The following UQCRB variants were observed in gnomAD, a reference collection of about 807,000 sequenced individuals.
UQCRB encodes cytochrome b-c1 complex subunit 7.
In UQCRB, 12 loss-of-function variants were observed where a neutral mutation model predicts 19.8. The observed-to-expected ratio is 0.61, with a 90% CI of 0.39 to 0.98. The LOEUF (loss-of-function observed/expected upper bound fraction) is 0.98, where lower values mean the gene tolerates loss of function less well. Among genes scored for constraint, UQCRB ranks in the 50% least tolerant of loss-of-function variants. UQCRB has a pLI of 0.00. For synonymous variants in UQCRB, 39 were observed against 42.9 expected (o/e 0.91, Z 0.35); for missense variants, 142 against 131.8 (o/e 1.08, Z -0.38).
At chr8:96,231,438 G>A (rs1299346554) in intron 3 of UQCRB, 3 of 1,535,898 alleles carry the variant, frequency 2.0e-6, no homozygotes, top group Non-Finnish European at 2.6e-6. Context: ...AGCTCTTCTT[G>A]GGATCTGGAG....
In UQCRB at chr8:96,226,298, A is replaced by G. The variant is rs186484603; in HGVS notation, c.*4757T>C. On this transcript the variant is annotated 3_prime_UTR_variant, in exon 4 of 4. Transcript: ENST00000287022. ...GGAGGATTAAAAGAGACAACATACG[A>G]ACAGTGCCTAGTACAAAGCTAGTAT... 6.9e-3 allele frequency: 1,055 copies of G among 153,322 alleles called. 12 individuals are homozygous for G. The highest frequency in any genetic ancestry group is 0.024 in the African/African-American group (978 of 41,590). The allele number at this position is 153,322 out of a possible 1,614,324, so 9.5% of individuals were successfully genotyped here. A position where few individuals can be genotyped will look rare whatever the true frequency, so the allele number is the denominator to read the frequency against.
In UQCRB at chr8:96,231,772, A is replaced by G. The variant is rs764178627; in HGVS notation, c.258+2T>C. 2.5e-6 allele frequency: 4 copies of G among 1,613,836 alleles called. No homozygotes were observed. Among genetic ancestry groups the G allele is most frequent in the Non-Finnish European group, 3.4e-6 (4 of 1,179,796 alleles). ...ACTGTCAGGTAGATAAAGCTGTGCT[A>G]CCTCTTCATATTTGGTCCACTGCTC... On this transcript the variant is annotated splice_donor_variant, in intron 3 of 3. Coordinates refer to ENST00000287022, the MANE Select transcript of UQCRB (RefSeq NM_006294.5). LOFTEE classifies it high-confidence loss of function.
In UQCRB at chr8:96,226,510, C is replaced by A; in HGVS notation, c.*4545G>T. The A allele has an allele frequency of 5.0e-6, 1 of 199,416 alleles. No homozygotes were observed. Among genetic ancestry groups the A allele is most frequent in the Non-Finnish European group, 1.0e-5 (1 of 97,280 alleles). The allele number at this position is 199,416 out of a possible 1,614,324, so 12.4% of individuals were successfully genotyped here. On this transcript the variant is annotated 3_prime_UTR_variant, in exon 4 of 4. Transcript: ENST00000287022. ...CAGATCAGTGTTTCCAGTTTAATGG[C>A]AAACCACATTTTAAATGCATGCATA...
chr8:96,231,172 C>A, intron 3 of UQCRB, 40 bp from the exon 4 acceptor site: 1 of 1,614,110 alleles, frequency 6.2e-7, no homozygotes, highest in Non-Finnish European at 8.5e-7. Flanking sequence ...CCATCACGTA[C>A]TGATATATCC....
intron 1 of UQCRB, chr8:96,233,492 A>C (rs1809724842): frequency 2.3e-6 from 1 of 438,208 alleles, no homozygotes; most frequent in Non-Finnish European, 4.1e-6. Context: ...GTGGCAAGTC[A>C]TGAAAGAAAA....
rs567948478 is a variant in UQCRB, at chr8:96,224,639, C to A, written c.*6416G>T. 6.6e-6 allele frequency among the ~76,000 whole-genome samples: 1 copy of A among 152,292 alleles called. No homozygotes were observed. The highest frequency in any genetic ancestry group is 2.4e-5 in the African/African-American group (1 of 41,570). The stretch of plus-strand genomic sequence containing the variant: ...CCCCTCCGGACCTCTCTCTTTTACC[C>A]TTCCTCACATCCACCTCTTACACAT... On this transcript the variant is annotated 3_prime_UTR_variant, in exon 4 of 4. Coordinates refer to ENST00000287022, the MANE Select transcript of UQCRB (RefSeq NM_006294.5).
chr8:96,230,788 A>T lies in UQCRB; in HGVS notation c.*267T>A. 2 of 605,232 alleles carry T rather than the reference A, an allele frequency of 3.3e-6. No homozygotes were observed. Among genetic ancestry groups the T allele is most frequent in the Non-Finnish European group, 6.2e-6 (2 of 321,016 alleles). 37.5% of individuals were successfully genotyped at this position (605,232 alleles called of 1,614,324 possible). A position where few individuals can be genotyped will look rare whatever the true frequency, so the allele number is the denominator to read the frequency against. On this transcript the variant is annotated 3_prime_UTR_variant, in exon 4 of 4. Transcript: ENST00000287022. ...CCTTCCATAAACTGATAGGCTATCC[A>T]ACCAGTGAGGAAAACTGATAAAGTG...
At chr8:96,231,515 C>A in intron 3 of UQCRB, 1 of 1,527,722 alleles carries the variant, frequency 6.5e-7, no homozygotes. Flanking sequence ...ACAGCAAAGA[C>A]CTGGGAGGCA....
Position 96,228,751 on chromosome 8 carries a change from C to A in UQCRB, c.*2304G>T, listed in dbSNP as rs1326456585. The A allele has an allele frequency of 1.3e-5, 6 of 454,084 alleles. No individual in the cohort carries two copies. Among genetic ancestry groups the A allele is most frequent in the Middle Eastern group, 6.9e-4 (1 of 1,442 alleles). 28.1% of individuals were successfully genotyped at this position (454,084 alleles called of 1,614,324 possible). A position where few individuals can be genotyped will look rare whatever the true frequency, so the allele number is the denominator to read the frequency against. Reference sequence around the variant, plus strand: ...GAGAGGTTAAATTGTATTCCTAAAGCACTACACAGTGAGCAAATAGATTCA... The same window carrying A: ...GAGAGGTTAAATTGTATTCCTAAAGAACTACACAGTGAGCAAATAGATTCA... On this transcript the variant is annotated 3_prime_UTR_variant, in exon 4 of 4. Coordinates refer to ENST00000287022, the MANE Select transcript of UQCRB (RefSeq NM_006294.5).
chr8:96,225,003 T>A lies in UQCRB; in HGVS notation c.*6052A>T, dbSNP rs956040426. On this transcript the variant is annotated 3_prime_UTR_variant, in exon 4 of 4. Coordinates refer to ENST00000287022, the MANE Select transcript of UQCRB (RefSeq NM_006294.5). Reference sequence around the variant, plus strand: ...AAATTCAAACGATGAAATAAAAATATCATTTCAGCAAATGTAAGTAAAAGG... The same window carrying A: ...AAATTCAAACGATGAAATAAAAATAACATTTCAGCAAATGTAAGTAAAAGG... 2.5e-4 allele frequency among the ~76,000 whole-genome samples: 38 copies of A among 152,216 alleles called. No individual in the cohort carries two copies. Among genetic ancestry groups the A allele is most frequent in the African/African-American group, 8.9e-4 (37 of 41,540 alleles).
At position 96,231,912 on chromosome 8, in the gene UQCRB, C is replaced by T; in HGVS notation, c.120G>A (p.Glu40=). Residue 40 remains glutamate, a synonymous_variant, in exon 3 of 4, where the codon GAG becomes GAA. Transcript: ENST00000287022. The part of the protein sequence containing the change: ...LGLMRDDTIY[E]DEDVKEAIRR... ...TTATGGCTTCTTTTACATCTTCATC[C>T]TCGTATATTGTATCATCTCGCATTA... The T allele has an allele frequency of 6.2e-7, 1 of 1,613,682 alleles. No homozygotes were observed. Among genetic ancestry groups the T allele is most frequent in the Non-Finnish European group, 8.5e-7 (1 of 1,180,016 alleles).
rs1809513266 is a variant in UQCRB, at chr8:96,225,655, T to C, written c.*5400A>G. On this transcript the variant is annotated 3_prime_UTR_variant, in exon 4 of 4. Coordinates refer to ENST00000287022, the MANE Select transcript of UQCRB (RefSeq NM_006294.5). ...CATTTCCTGCTCATTTTCTTCTGCT[T>C]GGAAAGCCCTTCACCATCTTCTTGG... Among the ~76,000 whole-genome samples the C allele has an allele frequency of 6.6e-6, 1 of 151,880 alleles. No homozygotes were observed. Among genetic ancestry groups the C allele is most frequent in the Admixed American group, 6.6e-5 (1 of 15,226 alleles).
At position 96,229,799 on chromosome 8, in the gene UQCRB, A is replaced by C. The variant is rs1809617053; in HGVS notation, c.*1256T>G. ...AAAGCGGGGGAGGGGGTTCCTAGAG[A>C]ATTTAAGAGGCTAATATTTTAGCAA... On this transcript the variant is annotated 3_prime_UTR_variant, in exon 4 of 4. Coordinates refer to ENST00000287022, the MANE Select transcript of UQCRB (RefSeq NM_006294.5). 1 of 453,692 alleles carries C rather than the reference A, an allele frequency of 2.2e-6. No individual in the cohort carries two copies. Among genetic ancestry groups the C allele is most frequent in the Admixed American group, 2.4e-5 (1 of 42,514 alleles). 28.1% of individuals were successfully genotyped at this position (453,692 alleles called of 1,614,324 possible).
In UQCRB at chr8:96,228,824, C is replaced by T. The variant is rs1307858347; in HGVS notation, c.*2231G>A. 3.1e-5 allele frequency: 14 copies of T among 453,968 alleles called. No individual in the cohort carries two copies. The highest frequency in any genetic ancestry group is 1.8e-4 in the African/African-American group (9 of 50,000). 28.1% of individuals were successfully genotyped at this position (453,968 alleles called of 1,614,324 possible). A position where few individuals can be genotyped will look rare whatever the true frequency, so the allele number is the denominator to read the frequency against. On this transcript the variant is annotated 3_prime_UTR_variant, in exon 4 of 4. Transcript: ENST00000287022. Reference sequence around the variant, plus strand: ...ATTAGCTCTGAATCACTCTACCATTCGGTCTACAGGACAATGTAGACCAGA... The same window carrying T: ...ATTAGCTCTGAATCACTCTACCATTTGGTCTACAGGACAATGTAGACCAGA...
chr8:96,233,818 G>C (rs1809732955), intron 1 of UQCRB: 1 of 152,612 alleles, frequency 6.6e-6, no homozygotes, highest in Non-Finnish European at 1.5e-5. Flanking sequence ...ATGTATTTTG[G>C]GGAGGATTTT....
intron 3 of UQCRB, chr8:96,231,375 A>G: frequency 6.5e-7 from 1 of 1,540,940 alleles, no homozygotes; most frequent in Non-Finnish European, 8.7e-7. Flanking sequence ...GAATGTCCAC[A>G]GGCCTTTGCC....
Position 96,231,990 on chromosome 8 carries a change from T to G in UQCRB, c.92-50A>C, listed in dbSNP as rs781198686. 404 of 1,577,932 alleles carry G rather than the reference T, an allele frequency of 2.6e-4. 2 individuals are homozygous for G. The Middle Eastern group carries it at 3.0e-3, about 12-fold the overall frequency. On this transcript the variant is annotated intron_variant, in intron 2 of 3. Coordinates refer to ENST00000287022, the MANE Select transcript of UQCRB (RefSeq NM_006294.5). ...TGCACATGCATCTCAAAAATCGCGG[T>G]TTTTTTAAATTAGTAAAATACCTTT...
Position 96,230,053 on chromosome 8 carries a change from TAG to T in UQCRB, c.*1000_*1001del, listed in dbSNP as rs1245042488. 6.6e-6 allele frequency: 3 copies of T among 453,994 alleles called. No individual in the cohort carries two copies. The highest frequency in any genetic ancestry group is 1.3e-5 in the Non-Finnish European group (3 of 226,796). 28.1% of individuals were successfully genotyped at this position (453,994 alleles called of 1,614,324 possible). A position where few individuals can be genotyped will look rare whatever the true frequency, so the allele number is the denominator to read the frequency against. Reference sequence around the variant, plus strand: ...CTACCAAAGAAAGCATTTCAGAATTTAGGAGTGGAAATGATGACAACATTGAA... The same window carrying T: ...CTACCAAAGAAAGCATTTCAGAATTTGAGTGGAAATGATGACAACATTGAA... On this transcript the variant is annotated 3_prime_UTR_variant, in exon 4 of 4. Transcript: ENST00000287022.
In UQCRB at chr8:96,228,606, T is replaced by G. The variant is rs537179747; in HGVS notation, c.*2449A>C. ...CTCGCTTCTCAGCACATAATTTACA[T>G]TATGCATACTATATGCCAGAAACTG... On this transcript the variant is annotated 3_prime_UTR_variant, in exon 4 of 4. Transcript: ENST00000287022. The G allele has an allele frequency of 2.9e-5, 13 of 454,144 alleles. No homozygotes were observed. The highest frequency in any genetic ancestry group is 6.0e-5 in the African/African-American group (3 of 50,136). 28.1% of individuals were successfully genotyped at this position (454,144 alleles called of 1,614,324 possible). A position where few individuals can be genotyped will look rare whatever the true frequency, so the allele number is the denominator to read the frequency against.
Sources: allele counts gnomAD v4.1 joint callset (sites outside exome capture counted in the v4.1 genomes callset), GRCh38; gene constraint gnomAD v4.1.1; transcripts MANE v1.5; gene names NCBI Gene and HGNC (gene_info 2026-07-23, HGNC 2026-07-21).